Variants in PASD1 observed in about 807,000 individuals in gnomAD.
PASD1 encodes circadian clock protein PASD1.
PASD1 carries 13 observed loss-of-function variants against 58.8 expected under a neutral mutation model. The ratio of observed to expected loss-of-function variants is 0.22; its 90% CI spans 0.14 to 0.35. The LOEUF is 0.35. Among genes scored for constraint, PASD1 ranks in the 10% least tolerant of loss-of-function variants. PASD1 has a pLI of 1.00. For missense variants in PASD1, 734 were observed against 568.3 expected (o/e 1.29, Z -2.96); for synonymous variants, 236 against 216.7 (o/e 1.09, Z -0.78).
intron 8 of PASD1, among the ~76,000 whole-genome samples, chrX:151,626,581 G>C (rs890896660): frequency 1.8e-5 from 2 of 111,421 alleles, no homozygotes; most frequent in African/African-American, 3.3e-5. Flanking sequence ...ATTGGGAGGG[G>C]ATTACATTTT....
At chrX:151,579,165 A>G (rs1196062519) in intron 1 of PASD1, among the ~76,000 whole-genome samples, 1 of 112,293 alleles carries the variant, frequency 8.9e-6, no homozygotes, top group Admixed American at 9.5e-5. Flanking sequence ...ATTCTGTTTA[A>G]TACATAATTT....
At chrX:151,630,920 C>T (rs923319442) in intron 8 of PASD1, among the ~76,000 whole-genome samples, 6 of 111,676 alleles carry the variant, frequency 5.4e-5, no homozygotes, top group Admixed American at 9.5e-5. Flanking sequence ...ACAGGTGTAC[C>T]GGAGTGGAAA....
At chrX:151,655,771 C>T (rs2014231980) in intron 9 of PASD1, among the ~76,000 whole-genome samples, 1 of 111,598 alleles carries the variant, frequency 9.0e-6, no homozygotes, top group Non-Finnish European at 1.9e-5. Context: ...GTCAGATGAG[C>T]AGGTTGCAAA....
At chrX:151,599,455 G>A (rs76419703) in intron 1 of PASD1, among the ~76,000 whole-genome samples, 4 of 98,771 alleles carry the variant, frequency 4.0e-5, no homozygotes, top group African/African-American at 4.1e-5. Flanking sequence ...GGGGCTGCCC[G>A]CCACCTCCCG....
chrX:151,611,640 A>G lies in PASD1; in HGVS notation c.118-24A>G, dbSNP rs1317933479. 13 of 1,037,741 alleles carry G rather than the reference A, an allele frequency of 1.3e-5. No individual in the cohort carries two copies. The East Asian group carries it at 4.0e-4, about 32-fold the overall frequency. 85.5% of individuals were successfully genotyped at this position (1,037,741 alleles called of 1,213,427 possible). ...TTTATTATTGTTCCACTATTTAATT[A>G]CATTATTATTCTCTCGTCATTAGTT... On this transcript the variant is annotated intron_variant, in intron 3 of 15. Transcript: ENST00000370357.
Position 151,676,025 on chromosome X carries a change from G to T in PASD1, c.2204G>T (p.Gly735Val). The T allele has an allele frequency of 8.3e-7, 1 of 1,211,257 alleles. No individual in the cohort carries two copies. Among genetic ancestry groups the T allele is most frequent in the Non-Finnish European group, 1.1e-6 (1 of 895,057 alleles). The stretch of plus-strand genomic sequence containing the variant: ...CAAGTTTCTGAGGTAGGAGTCGAGG[G>T]ACCTCCTGATCCACAGGCTTTCCAA... ...QVQVSEVGVEGPPDPQAFQGP... is the reference protein window; with the variant it reads ...QVQVSEVGVEVPPDPQAFQGP... The change falls in exon 16 of 16, where the codon GGA (glycine) becomes GTA (valine). Residue 735 changes from glycine to valine, a missense_variant. Physicochemically the swap from Gly to Val is moderately radical, Grantham distance 109. Coordinates refer to ENST00000370357, the MANE Select transcript of PASD1 (RefSeq NM_173493.3).
chrX:151,645,634 G>A (rs764944438), intron 8 of PASD1: 8 of 111,816 alleles, frequency 7.2e-5, no homozygotes, highest in Admixed American at 3.8e-4. Context: ...TTATTTTTAC[G>A]TAACTACAAC....
chrX:151,583,062 G>A (rs1296793322), intron 1 of PASD1, among the ~76,000 whole-genome samples: 2 of 111,451 alleles, frequency 1.8e-5, no homozygotes, highest in African/African-American at 6.5e-5. Context: ...TTGGGGGTGG[G>A]TGTAAGCAGG....
At chrX:151,649,105 A>T (rs1170085917) in intron 9 of PASD1, among the ~76,000 whole-genome samples, 1 of 112,004 alleles carries the variant, frequency 8.9e-6, no homozygotes, top group Non-Finnish European at 1.9e-5. Context: ...ACCAGATATG[A>T]CTAGAAAGAA....
chrX:151,596,515 T>C (rs1052440603), intron 1 of PASD1, among the ~76,000 whole-genome samples: 19 of 112,357 alleles, frequency 1.7e-4, no homozygotes, highest in Non-Finnish European at 3.4e-4. Context: ...AATTTCAACA[T>C]GAGTTTTGGT....
chrX:151,571,268 T>A (rs887105713), intron 1 of PASD1, among the ~76,000 whole-genome samples: 1 of 112,060 alleles, frequency 8.9e-6, no homozygotes, highest in Non-Finnish European at 1.9e-5. Flanking sequence ...CCTTTGGCAT[T>A]ATGCAAAACA....
intron 10 of PASD1, among the ~76,000 whole-genome samples, chrX:151,662,696 T>C (rs1170228300): frequency 8.9e-6 from 1 of 112,419 alleles, no homozygotes; most frequent in Non-Finnish European, 1.9e-5. Flanking sequence ...GGGTTCATTC[T>C]AGCCTTTTCT....
At chrX:151,592,400 GTTTCC>G (rs2013262565) in intron 1 of PASD1, among the ~76,000 whole-genome samples, 1 of 111,698 alleles carries the variant, frequency 9.0e-6, no homozygotes, top group Non-Finnish European at 1.9e-5. Context: ...GCACTGGATA[GTTTCC>G]TTTCTATATG....
intron 9 of PASD1, among the ~76,000 whole-genome samples, chrX:151,659,415 C>T (rs2014283210): frequency 8.9e-6 from 1 of 112,241 alleles, no homozygotes; most frequent in South Asian, 3.7e-4. Context: ...TTGTTTTTGC[C>T]ATGCCTTTTG....
At chrX:151,665,265 TCTG>T (rs749801882) in intron 11 of PASD1, among the ~76,000 whole-genome samples, 15 of 112,512 alleles carry the variant, frequency 1.3e-4, no homozygotes, top group Non-Finnish European at 2.2e-4. Context: ...TCTGTGAAAA[TCTG>T]CTGTGGCCTG....
At chrX:151,610,134 A>G (rs1394790728) in intron 3 of PASD1, among the ~76,000 whole-genome samples, 2 of 110,682 alleles carry the variant, frequency 1.8e-5, no homozygotes, top group African/African-American at 6.5e-5. Flanking sequence ...CTCACTGAGT[A>G]TTTCCTCTTC....
At chrX:151,597,631 A>G (rs1261532287) in intron 1 of PASD1, among the ~76,000 whole-genome samples, 2 of 111,316 alleles carry the variant, frequency 1.8e-5, no homozygotes, top group African/African-American at 3.3e-5. Flanking sequence ...TTTTATCTTT[A>G]TTTTTATTGC....
chrX:151,670,993 A>G, intron 11 of PASD1, 45 bp from the exon 12 acceptor site: 1 of 1,161,964 alleles, frequency 8.6e-7, no homozygotes, highest in East Asian at 3.0e-5. Flanking sequence ...GACTTGGAGA[A>G]ACCAGTGTTG....
rs1366348581 is a variant in PASD1, at chrX:151,601,542, A to G, written c.-12A>G. 1 of 1,208,375 alleles carries G rather than the reference A, an allele frequency of 8.3e-7. No individual in the cohort carries two copies. The highest frequency in any genetic ancestry group is 1.7e-5 in the African/African-American group (1 of 57,214). On this transcript the variant is annotated 5_prime_UTR_variant, in exon 2 of 16. Coordinates refer to ENST00000370357, the MANE Select transcript of PASD1 (RefSeq NM_173493.3). ...TTGATTTCAGGAGTCTTCCTACGTC[A>G]CTGAATAATGAATGAAGATGAGAGG... is the stretch of plus-strand genomic sequence containing the variant.
Sources: gnomAD v4.1 joint callset for allele counts (sites outside exome capture counted in the v4.1 genomes callset) on GRCh38, gnomAD v4.1.1 for gene constraint, MANE v1.5 for transcripts, NCBI Gene and HGNC (gene_info 2026-07-23, HGNC 2026-07-21) for gene names.